SCHIP1: variants seen among roughly 807,000 people sequenced by gnomAD.
The protein encoded by SCHIP1 is schwannomin-interacting protein 1.
SCHIP1 carries 8 observed loss-of-function variants against 29.7 expected under a neutral mutation model. That is an observed-to-expected ratio of 0.27 (90% CI 0.16 to 0.49). SCHIP1 has a LOEUF of 0.49. SCHIP1 is among the 20% of genes least tolerant of loss of function. The pLI is 0.99. For missense variants in SCHIP1, 193 were observed against 294.6 expected, an observed-to-expected ratio of 0.66 and a Z score of 2.52; for synonymous variants, 76 against 94.9, an observed-to-expected ratio of 0.80 and a Z score of 1.16.
At chr3:159,498,530 A>G in the SCHIP1 span, among the ~76,000 whole-genome samples, 2 of 152,198 alleles carry the variant, frequency 1.3e-5, no homozygotes, top group African/African-American at 4.8e-5. Context: ...AGCTGAGTGG[A>G]GGAAGTCTGC....
the SCHIP1 span, among the ~76,000 whole-genome samples, chr3:159,532,501 T>G: frequency 6.6e-6 from 1 of 152,230 alleles, no homozygotes; most frequent in East Asian, 1.9e-4. Flanking sequence ...ATAAGCATAT[T>G]TAGTATTCAA....
chr3:159,532,244 T>C, the SCHIP1 span, among the ~76,000 whole-genome samples: 1 of 152,170 alleles, frequency 6.6e-6, no homozygotes, highest in Admixed American at 6.5e-5. Context: ...TTTATAATCA[T>C]TGACATAAAT....
the SCHIP1 span, among the ~76,000 whole-genome samples, chr3:159,456,498 TA>T: frequency 6.6e-6 from 1 of 152,188 alleles, no homozygotes; most frequent in Non-Finnish European, 1.5e-5. Flanking sequence ...AAGAAATCTG[TA>T]CCTCACTTTC....
the SCHIP1 span, among the ~76,000 whole-genome samples, chr3:159,626,371 G>A: frequency 6.6e-6 from 1 of 151,398 alleles, no homozygotes; most frequent in African/African-American, 2.4e-5. Flanking sequence ...GAGGGCTTGT[G>A]GAGTCTATCT....
chr3:159,312,700 G>C, the SCHIP1 span, among the ~76,000 whole-genome samples: 1 of 152,204 alleles, frequency 6.6e-6, no homozygotes, highest in Non-Finnish European at 1.5e-5. Context: ...GAATCCCTGC[G>C]TGGACTTCAG....
chr3:159,711,318 G>GCCACTGCA, the SCHIP1 span, among the ~76,000 whole-genome samples: 3 of 60,860 alleles, frequency 4.9e-5, no homozygotes, highest in Non-Finnish European at 6.9e-5. Flanking sequence ...CCGAGATCCC[G>GCCACTGCA]CCACTGCACT....
At chr3:159,617,713 C>G in the SCHIP1 span, among the ~76,000 whole-genome samples, 1 of 151,002 alleles carries the variant, frequency 6.6e-6, no homozygotes, top group Non-Finnish European at 1.5e-5. Flanking sequence ...CCATTTACTA[C>G]CCCCCCTAGG....
chr3:159,431,992 A>AT, the SCHIP1 span, among the ~76,000 whole-genome samples: 144,885 of 152,176 alleles, frequency 0.95, 69,020 homozygotes, highest in African/African-American at 0.97. Flanking sequence ...TGATTCTAAA[A>AT]GCAGTAGTAT....
At chr3:159,825,968 A>T in the SCHIP1 span, among the ~76,000 whole-genome samples, 1 of 152,176 alleles carries the variant, frequency 6.6e-6, no homozygotes, top group African/African-American at 2.4e-5. Context: ...CTCAAAGGCC[A>T]CCAGTGTGCC....
the SCHIP1 span, among the ~76,000 whole-genome samples, chr3:159,412,981 C>G: frequency 6.6e-6 from 1 of 152,176 alleles, no homozygotes; most frequent in African/African-American, 2.4e-5. Context: ...CACAGCTCCA[C>G]ATGGCTGGAG....
chr3:159,391,576 A>G, the SCHIP1 span, among the ~76,000 whole-genome samples: 3 of 152,206 alleles, frequency 2.0e-5, no homozygotes, highest in Non-Finnish European at 4.4e-5. Context: ...GTTTCAGTCT[A>G]GTTCTTAAGT....
At chr3:159,445,792 T>G in the SCHIP1 span, among the ~76,000 whole-genome samples, 1 of 143,278 alleles carries the variant, frequency 7.0e-6, no homozygotes, top group Admixed American at 7.7e-5. Context: ...AACCAAACAC[T>G]GCATGTTCTC....
At chr3:159,464,591 C>A in the SCHIP1 span, among the ~76,000 whole-genome samples, 9 of 152,090 alleles carry the variant, frequency 5.9e-5, no homozygotes, top group Non-Finnish European at 1.2e-4. Flanking sequence ...GTAAAGAGTT[C>A]ATTATGGTTC....
chr3:159,274,168 A>T, the SCHIP1 span: 1 of 985,278 alleles, frequency 1.0e-6, no homozygotes. Flanking sequence ...ATTGCAGTGG[A>T]CTTTGGAAAT....
the SCHIP1 span, among the ~76,000 whole-genome samples, chr3:159,587,371 T>C: frequency 6.6e-6 from 1 of 151,378 alleles, no homozygotes; most frequent in Non-Finnish European, 1.5e-5. Context: ...AATAAAAAAC[T>C]AAACAATTGC....
chr3:159,680,639 T>TA, the SCHIP1 span, among the ~76,000 whole-genome samples: 3 of 42,620 alleles, frequency 7.0e-5, no homozygotes, highest in African/African-American at 9.2e-5. Flanking sequence ...ATTTTATATA[T>TA]TATATAATAT....
chr3:159,568,687 T>C, the SCHIP1 span, among the ~76,000 whole-genome samples: 2 of 152,164 alleles, frequency 1.3e-5, no homozygotes, highest in South Asian at 4.1e-4. Context: ...AATTGGTGAG[T>C]GCAAGTCTGT....
the SCHIP1 span, among the ~76,000 whole-genome samples, chr3:159,394,135 G>C: frequency 6.7e-6 from 1 of 150,206 alleles, no homozygotes; most frequent in Non-Finnish European, 1.5e-5. Context: ...TGGTGTATAA[G>C]AATGCTTGTG....
chr3:159,370,523 C>CAGAT, the SCHIP1 span, among the ~76,000 whole-genome samples: 3 of 152,266 alleles, frequency 2.0e-5, no homozygotes, highest in East Asian at 5.8e-4. Context: ...AAGGGATGCC[C>CAGAT]AGATAGCTGG....
Sources: allele counts gnomAD v4.1 joint callset (sites outside exome capture counted in the v4.1 genomes callset), GRCh38; gene constraint gnomAD v4.1.1; transcripts MANE v1.5; gene names NCBI Gene and HGNC (gene_info 2026-07-23, HGNC 2026-07-21).